The following NCOA2 variants were observed in gnomAD, a reference collection of about 807,000 sequenced individuals.
NCOA2 encodes the protein class E basic helix-loop-helix protein 75.
In NCOA2, 21 loss-of-function variants were observed where a neutral mutation model predicts 145.1. The ratio of observed to expected loss-of-function variants is 0.14; its 90% CI spans 0.10 to 0.21. The LOEUF is 0.21. Among genes scored for constraint, NCOA2 ranks in the 10% least tolerant of loss-of-function variants. NCOA2 has a pLI of 1.00. For missense variants in NCOA2, 1,472 were observed against 1,837.6 expected (o/e 0.80, Z 3.64); for synonymous variants, 619 against 637.5 (o/e 0.97, Z 0.44).
chr8:70,190,127 T>C (rs1816521532), intron 4 of NCOA2, among the ~76,000 whole-genome samples: 1 of 152,156 alleles, frequency 6.6e-6, no homozygotes, highest in African/African-American at 2.4e-5. Context: ...AAAATAAAAA[T>C]GTGAAGATTA....
At position 70,273,347 on chromosome 8, in the gene NCOA2, G is replaced by A. The variant is rs58213005; in HGVS notation, c.-20+23397C>T. On this transcript the variant is annotated intron_variant, in intron 2 of 22. Coordinates refer to ENST00000452400, the MANE Select transcript of NCOA2 (RefSeq NM_006540.4). ...CCCTGAGCACCAACCCTAGTCCCCC[G>A]CGCAGCCCCTTATCCGCTGCGACAA... 1.4e-3 allele frequency: 633 copies of A among 437,870 alleles called. 2 individuals are homozygous for A. The highest frequency in any genetic ancestry group is 0.011 in the Middle Eastern group (14 of 1,298). 27.1% of individuals were successfully genotyped at this position (437,870 alleles called of 1,614,324 possible).
intron 2 of NCOA2, among the ~76,000 whole-genome samples, chr8:70,227,463 T>A (rs1820746849): frequency 6.6e-6 from 1 of 152,186 alleles, no homozygotes; most frequent in African/African-American, 2.4e-5. Context: ...AAATACCTTT[T>A]TATGCTCTTT....
chr8:70,317,568 T>C (rs553136709), intron 1 of NCOA2, among the ~76,000 whole-genome samples: 1 of 152,302 alleles, frequency 6.6e-6, no homozygotes, highest in African/African-American at 2.4e-5. Context: ...CTGTCTTTTA[T>C]ATGAGTAAGT....
At position 70,367,779 on chromosome 8, in the gene NCOA2, T is replaced by A. The variant is rs184022697; in HGVS notation, c.-77+35921A>T. Among the ~76,000 whole-genome samples the A allele has an allele frequency of 1.9e-3, 294 of 152,250 alleles. 2 individuals are homozygous for A. Among genetic ancestry groups the A allele is most frequent in the African/African-American group, 5.5e-3 (229 of 41,560 alleles). On this transcript the variant is annotated intron_variant, in intron 1 of 22. Coordinates refer to ENST00000452400, the MANE Select transcript of NCOA2 (RefSeq NM_006540.4). ...ACCCTACTAAAATAAAAATAACAGA[T>A]AACACTTCTCCAAGCCATACCATGA... is the stretch of plus-strand genomic sequence containing the variant.
Position 70,157,031 on chromosome 8 carries a change from C to T in NCOA2, c.1334G>A (p.Gly445Glu). ...GMPMGRFGGS[G>E]GMNHVSGMQA... The stretch of plus-strand genomic sequence containing the variant: ...CATGCCTGACACATGGTTCATTCCC[C>T]CAGAACCACCAAACCTGCCCATGGG... Residue 445 changes from glycine (G) to glutamate (E), a missense_variant, in exon 11 of 23, where the codon GGG (glycine) becomes GAG (glutamate). Gly to Glu is a moderately conservative substitution (Grantham distance 98). Coordinates refer to ENST00000452400, the MANE Select transcript of NCOA2 (RefSeq NM_006540.4). The T allele has an allele frequency of 6.2e-7, 1 of 1,614,022 alleles. No homozygotes were observed. Among genetic ancestry groups the T allele is most frequent in the Non-Finnish European group, 8.5e-7 (1 of 1,179,892 alleles).
chr8:70,138,891 A>T (rs1454134369), intron 14 of NCOA2, among the ~76,000 whole-genome samples: 1 of 152,272 alleles, frequency 6.6e-6, no homozygotes, highest in Non-Finnish European at 1.5e-5. Flanking sequence ...AATTTCTGGA[A>T]AACTCTACCA....
intron 1 of NCOA2, among the ~76,000 whole-genome samples, chr8:70,347,353 C>CG (rs1563790037): frequency 6.6e-6 from 1 of 151,882 alleles, no homozygotes; most frequent in Non-Finnish European, 1.5e-5. Flanking sequence ...GGCTTGGTGG[C>CG]GGGTGCCTAT....
rs768148224 is a variant in NCOA2, at chr8:70,159,624, T to G, written c.1005A>C (p.Gln335His). The change falls in exon 10 of 23, where the codon CAA becomes CAC. Residue 335 changes from glutamine to histidine, a missense_variant. Gln to His is a conservative substitution (Grantham distance 24). Coordinates refer to ENST00000452400, the MANE Select transcript of NCOA2 (RefSeq NM_006540.4). ...CATCAGACAAGGAAAAACGATAGATTTGACTGAATGCCAATCCTTGTCTCA... is the reference window on the plus strand; with the variant it reads ...CATCAGACAAGGAAAAACGATAGATGTGACTGAATGCCAATCCTTGTCTCA... ...EVLRQGLAFS[Q>H]IYRFSLSDGT... The G allele has an allele frequency of 2.5e-6, 4 of 1,612,704 alleles. No homozygotes were observed. Among genetic ancestry groups the G allele is most frequent in the Non-Finnish European group, 3.4e-6 (4 of 1,178,918 alleles).
At chr8:70,274,690 G>T (rs986899430) in intron 2 of NCOA2, among the ~76,000 whole-genome samples, 4 of 152,134 alleles carry the variant, frequency 2.6e-5, no homozygotes, top group African/African-American at 9.7e-5. Flanking sequence ...TTAGCAAAAT[G>T]ATTTTCTTCC....
In NCOA2 at chr8:70,357,742, C is replaced by CA. The variant is rs372749781; in HGVS notation, c.-77+45957dup. Among the ~76,000 whole-genome samples, 82 of 147,556 alleles carry CA rather than the reference C, an allele frequency of 5.6e-4. 1 individual carries two copies. The South Asian group carries it at 7.3e-3, about 13-fold the overall frequency. On this transcript the variant is annotated intron_variant, in intron 1 of 22. Transcript: ENST00000452400. ...TGGGCGACAGAGCAAGACTCCATCT[C>CA]AAAAAAAAAGCGCGGTGGGGGGAAG...
At chr8:70,144,122 C>T (rs1563516666) in intron 13 of NCOA2, among the ~76,000 whole-genome samples, 2 of 152,246 alleles carry the variant, frequency 1.3e-5, no homozygotes. Flanking sequence ...CTTCCTACAT[C>T]TTCAAAAGGG....
chr8:70,256,217 TTCTAC>T (rs1269958597), intron 2 of NCOA2, among the ~76,000 whole-genome samples: 1 of 152,200 alleles, frequency 6.6e-6, no homozygotes. Flanking sequence ...CCTCCCAGGT[TTCTAC>T]TCAAACTACA....
the NCOA2 span, among the ~76,000 whole-genome samples, chr8:70,441,104 G>A: frequency 8.9e-6 from 1 of 111,916 alleles, no homozygotes; most frequent in Non-Finnish European, 1.8e-5. Context: ...AAAGAAAGAA[G>A]AGAGAGAAAG....
At chr8:70,426,224 C>T in the NCOA2 span, among the ~76,000 whole-genome samples, 4 of 152,080 alleles carry the variant, frequency 2.6e-5, no homozygotes, top group African/African-American at 7.2e-5. Context: ...CTAATGCACT[C>T]TTAGAGATAC....
intron 1 of NCOA2, among the ~76,000 whole-genome samples, chr8:70,403,272 T>C (rs1173595370): frequency 1.3e-5 from 2 of 151,032 alleles, no homozygotes; most frequent in Admixed American, 6.6e-5. Flanking sequence ...GGCTGGGCAA[T>C]GGGCACTCGC....
chr8:70,159,860 A>G (rs1812750746), intron 9 of NCOA2, among the ~76,000 whole-genome samples: 1 of 152,210 alleles, frequency 6.6e-6, no homozygotes, highest in Admixed American at 6.5e-5. Context: ...CAATAACCTC[A>G]ATTATCTGTT....
chr8:70,129,680 T>C (rs1270971091), intron 16 of NCOA2, among the ~76,000 whole-genome samples: 1 of 152,152 alleles, frequency 6.6e-6, no homozygotes, highest in African/African-American at 2.4e-5. Context: ...CTCCTGACTT[T>C]TTTTTTTTGA....
chr8:70,147,939 T>A (rs1811286457), intron 12 of NCOA2, among the ~76,000 whole-genome samples: 1 of 152,212 alleles, frequency 6.6e-6, no homozygotes, highest in Non-Finnish European at 1.5e-5. Context: ...TATTTCATTG[T>A]CTATTAAACA....
intron 4 of NCOA2, among the ~76,000 whole-genome samples, chr8:70,196,679 A>C (rs748580093): frequency 1.3e-5 from 2 of 152,246 alleles, no homozygotes; most frequent in African/African-American, 4.8e-5. Context: ...CTAAAAAACT[A>C]TCTCTAAAGA....
Sources: allele counts gnomAD v4.1 joint callset (sites outside exome capture counted in the v4.1 genomes callset), GRCh38; gene constraint gnomAD v4.1.1; transcripts MANE v1.5; gene names NCBI Gene and HGNC (gene_info 2026-07-23, HGNC 2026-07-21).